The following BPTF variants were observed in gnomAD, a reference collection of about 807,000 sequenced individuals.
BPTF encodes the protein nucleosome-remodeling factor subunit BPTF.
Under a neutral mutation model 292.5 loss-of-function variants are expected in BPTF, and 18 were observed. The ratio of observed to expected loss-of-function variants is 0.06; its 90% CI spans 0.04 to 0.09. The LOEUF is 0.09. BPTF is among the 10% of genes least tolerant of loss of function. The probability of loss-of-function intolerance (pLI) is 1.00; values close to 1 mark genes in which losing one functional copy is unlikely to be tolerated. For missense variants in BPTF, 2,726 were observed against 3,498.7 expected (o/e 0.78, Z 5.57); for synonymous variants, 1,225 against 1,251.9 (o/e 0.98, Z 0.45).
In BPTF at chr17:67,847,471, G is replaced by A. The variant is rs142300955; in HGVS notation, c.614-6469G>A. 3.6e-3 allele frequency among the ~76,000 whole-genome samples: 542 copies of A among 151,556 alleles called. 5 individuals carry two copies. The highest frequency in any genetic ancestry group is 0.012 in the African/African-American group (515 of 41,304). ...AGAGCTTGCAGTGAGCAGAGGTCGC[G>A]CCACTGCACTCCAGCGTGGGTGACA... On this transcript the variant is annotated intron_variant, in intron 1 of 27. Transcript: ENST00000306378.
intron 3 of BPTF, among the ~76,000 whole-genome samples, chr17:67,872,014 C>T (rs1038789336): frequency 6.6e-6 from 1 of 151,766 alleles, no homozygotes; most frequent in African/African-American, 2.4e-5. Flanking sequence ...TAGGTAGAGA[C>T]GGGGTTTCAC....
chr17:67,946,215 A>G lies in BPTF; in HGVS notation c.7507A>G (p.Arg2503Gly), dbSNP rs1278291490. ...AGCCAGTGTGCAAGAGCAGTTGCAA[A>G]GGGTTCAGCAACTCAGGGATCAGCA... is the stretch of plus-strand genomic sequence containing the variant. The part of the protein sequence containing the change: ...QAASVQEQLQ[R>G]VQQLRDQQQK... The change falls in exon 21 of 28, where the codon AGG becomes GGG. Residue 2503 changes from arginine to glycine, a missense_variant. Around this residue, in one of 22 missense-constraint regions of BPTF, gnomAD observed 570 missense variants for 633.5 expected, o/e 0.90. Transcript: ENST00000306378. 1.2e-6 allele frequency: 2 copies of G among 1,614,146 alleles called. No homozygotes were observed. Among genetic ancestry groups the G allele is most frequent in the Non-Finnish European group, 8.5e-7 (1 of 1,180,056 alleles).
intron 2 of BPTF, among the ~76,000 whole-genome samples, chr17:67,858,019 C>G (rs1420795611): frequency 6.6e-6 from 1 of 151,886 alleles, no homozygotes; most frequent in African/African-American, 2.4e-5. Context: ...AACTCCTGAC[C>G]TTGTGATCCG....
chr17:67,862,138 G>C (rs1286786613), intron 2 of BPTF, among the ~76,000 whole-genome samples: 1 of 152,036 alleles, frequency 6.6e-6, no homozygotes, highest in Non-Finnish European at 1.5e-5. Flanking sequence ...ACCACACCCG[G>C]CTAATTTTTG....
chr17:67,981,223 C>CT (rs1468811209), intron 27 of BPTF, among the ~76,000 whole-genome samples: 3 of 152,078 alleles, frequency 2.0e-5, no homozygotes, highest in Admixed American at 1.3e-4. Flanking sequence ...TTGCTGTTGC[C>CT]TTTTTAGGGA....
chr17:67,879,548 T>G (rs2060262159), intron 4 of BPTF, among the ~76,000 whole-genome samples: 1 of 152,212 alleles, frequency 6.6e-6, no homozygotes, highest in Non-Finnish European at 1.5e-5. Flanking sequence ...ATAATGGCTA[T>G]CTTAGTCCAT....
chr17:67,973,389 T>A (rs1008051247), intron 26 of BPTF, among the ~76,000 whole-genome samples: 34 of 151,538 alleles, frequency 2.2e-4, no homozygotes, highest in Non-Finnish European at 3.5e-4. Context: ...AAAAATAAAA[T>A]ATATATATAA....
chr17:67,940,734 T>C (rs1363287179), intron 19 of BPTF, 78 bp downstream of exon 19: 9 of 1,421,276 alleles, frequency 6.3e-6, no homozygotes, highest in Admixed American at 4.1e-5. Flanking sequence ...CATGAACTTA[T>C]TTTGATACGT....
chr17:67,841,786 C>T (rs2057572936), intron 1 of BPTF, among the ~76,000 whole-genome samples: 1 of 151,930 alleles, frequency 6.6e-6, no homozygotes, highest in Non-Finnish European at 1.5e-5. Flanking sequence ...GTGTTTTGGA[C>T]CATTTACATT....
chr17:67,899,540 T>C (rs561058859), intron 7 of BPTF, among the ~76,000 whole-genome samples: 30 of 151,726 alleles, frequency 2.0e-4, no homozygotes, highest in South Asian at 1.3e-3. Flanking sequence ...TTTCTTTTTT[T>C]TTTTTTTTTG....
At chr17:67,963,514 C>T in intron 24 of BPTF, 1 of 1,467,354 alleles carries the variant, frequency 6.8e-7, no homozygotes, top group Non-Finnish European at 9.0e-7. Flanking sequence ...ACAGTGAGTT[C>T]TGATAAGAGC....
chr17:67,951,924 G>A lies in BPTF; in HGVS notation c.7926+3618G>A, dbSNP rs148927762. ...ACAAAAATTAGCTGGGCATGGTGGC[G>A]CACAACTGTAGTTCCAGCTACTCAG... On this transcript the variant is annotated intron_variant, in intron 23 of 27. Coordinates refer to ENST00000306378, the MANE Select transcript of BPTF (RefSeq NM_182641.4). Among the ~76,000 whole-genome samples the A allele has an allele frequency of 3.4e-3, 514 of 151,656 alleles. 2 individuals are homozygous for A. Among genetic ancestry groups the A allele is most frequent in the African/African-American group, 0.012 (493 of 41,354 alleles).
At chr17:67,976,702 A>T (rs1485691975) in intron 27 of BPTF, among the ~76,000 whole-genome samples, 4 of 138,014 alleles carry the variant, frequency 2.9e-5, no homozygotes, top group East Asian at 5.0e-4. Context: ...AAAAAAAAAA[A>T]AAAAAAAAAA....
At chr17:67,953,965 T>C (rs1168552006) in intron 23 of BPTF, among the ~76,000 whole-genome samples, 7 of 2,980 alleles carry the variant, frequency 2.3e-3, no homozygotes, top group African/African-American at 5.6e-3. Flanking sequence ...TCTTTTCTTT[T>C]TTTTTTTTTT....
At position 67,946,077 on chromosome 17, in the gene BPTF, C is replaced by G. The variant is rs1555675155; in HGVS notation, c.7369C>G (p.Gln2457Glu). Residue 2457 changes from glutamine (Q) to glutamate (E), a missense_variant, in exon 21 of 28, where the codon CAG becomes GAG. Coordinates refer to ENST00000306378, the MANE Select transcript of BPTF (RefSeq NM_182641.4). Reference protein sequence around the residue: ...QIQSQVVAQIQAQQSGVPQQI... With the variant: ...QIQSQVVAQIEAQQSGVPQQI... ...CCAGTCACAGGTTGTGGCTCAGATA[C>G]AGGCTCAGCAAAGTGGTGTGCCCCA... 4.3e-6 allele frequency: 7 copies of G among 1,614,200 alleles called. No homozygotes were observed. The highest frequency in any genetic ancestry group is 5.9e-6 in the Non-Finnish European group (7 of 1,180,034).
intron 1 of BPTF, among the ~76,000 whole-genome samples, chr17:67,851,272 C>CT (rs57971998): frequency 0.012 from 1,548 of 129,906 alleles, 20 homozygotes; most frequent in African/African-American, 0.031. Flanking sequence ...CGATTTTCTG[C>CT]TTTTTTTTTT....
chr17:67,826,117 C>CGAG lies in BPTF; in HGVS notation c.405_407dup (p.Glu138dup), dbSNP rs762904421. ...AAGTGGTGTACGATGACCACGAGAGCGAGGAGGAGGAGGAAGAGGAGGACA... is the reference window on the plus strand; with the variant it reads ...AAGTGGTGTACGATGACCACGAGAGCGAGGAGGAGGAGGAGGAAGAGGAGGACA... On this transcript the variant is annotated inframe_insertion, in exon 1 of 28. Transcript: ENST00000306378. 4 of 1,398,428 alleles carry CGAG rather than the reference C, an allele frequency of 2.9e-6. No individual in the cohort carries two copies. The highest frequency in any genetic ancestry group is 4.7e-5 in the East Asian group (2 of 42,230). The allele number at this position is 1,398,428 out of a possible 1,614,324, so 86.6% of individuals were successfully genotyped here. A position where few individuals can be genotyped will look rare whatever the true frequency, so the allele number is the denominator to read the frequency against.
At chr17:67,950,353 C>T (rs1555678022) in intron 23 of BPTF, among the ~76,000 whole-genome samples, 2 of 151,782 alleles carry the variant, frequency 1.3e-5, no homozygotes, top group South Asian at 2.1e-4. Context: ...TAGAGATCTT[C>T]CAGTTAAAGT....
At chr17:67,893,311 G>T (rs2061245547) in intron 5 of BPTF, 59 bp from the exon 6 acceptor site, 1 of 1,035,604 alleles carries the variant, frequency 9.7e-7, no homozygotes, top group Non-Finnish European at 1.5e-6. Flanking sequence ...CAGTTGATTA[G>T]ATGAAATTCA....
Sources: gnomAD v4.1 joint callset for allele counts (sites outside exome capture counted in the v4.1 genomes callset) on GRCh38, gnomAD v4.1.1 for gene constraint, gnomAD v4.1.1 regional missense constraint, MANE v1.5 for transcripts, NCBI Gene and HGNC (gene_info 2026-07-23, HGNC 2026-07-21) for gene names.